Variants in TMEM244 observed in about 807,000 individuals in gnomAD.
The protein encoded by TMEM244 is putative transmembrane protein 244.
Under a neutral mutation model 15.8 loss-of-function variants are expected in TMEM244, and 13 were observed. The observed-to-expected ratio is 0.82, with a 90% CI of 0.53 to 1.30. TMEM244 has a LOEUF of 1.30. TMEM244 is among the 50% of genes most tolerant of loss of function. TMEM244 has a pLI of 0.00. For synonymous variants in TMEM244, 45 were observed against 48.7 expected (o/e 0.92, Z 0.32); for missense variants, 161 against 144.9 (o/e 1.11, Z -0.57).
intron 2 of TMEM244, among the ~76,000 whole-genome samples, chr6:129,845,081 C>A (rs1009335438): frequency 3.3e-5 from 5 of 152,046 alleles, no homozygotes; most frequent in African/African-American, 1.2e-4. Context: ...AAAAATGATA[C>A]CATTAAAATA....
chr6:129,845,696 T>G, intron 2 of TMEM244, 71 bp downstream of exon 2: 1 of 1,093,000 alleles, frequency 9.1e-7, no homozygotes, highest in Non-Finnish European at 1.4e-6. Context: ...ACATATGAAA[T>G]GTTAAATATA....
intron 1 of TMEM244, among the ~76,000 whole-genome samples, chr6:129,850,136 T>C (rs146558554): frequency 0.015 from 2,299 of 152,288 alleles, 21 homozygotes; most frequent in Non-Finnish European, 0.022. Flanking sequence ...TCAACCCTTA[T>C]GCTACTTATG....
chr6:129,836,864 C>A (rs143077797), intron 3 of TMEM244, among the ~76,000 whole-genome samples: 1 of 151,836 alleles, frequency 6.6e-6, no homozygotes, highest in Non-Finnish European at 1.5e-5. Flanking sequence ...AGTGAGAAGA[C>A]AAGATTAGAG....
chr6:129,831,509 A>C, intron 4 of TMEM244, 123 bp from the exon 5 acceptor site: 1 of 690,024 alleles, frequency 1.4e-6, no homozygotes, highest in Non-Finnish European at 2.5e-6. Flanking sequence ...ATGTTCATGA[A>C]ATCAGGTAGC....
chr6:129,854,709 G>A (rs528679841), intron 1 of TMEM244, among the ~76,000 whole-genome samples: 1 of 152,278 alleles, frequency 6.6e-6, no homozygotes, highest in South Asian at 2.1e-4. Flanking sequence ...AGTAAGCTTT[G>A]TGGTTCTGAT....
intron 1 of TMEM244, among the ~76,000 whole-genome samples, chr6:129,857,509 C>A (rs940820152): frequency 3.9e-5 from 6 of 152,056 alleles, no homozygotes; most frequent in African/African-American, 1.4e-4. Flanking sequence ...GCACATGCCA[C>A]CACCACGCCT....
At chr6:129,849,438 C>G (rs1209723836) in intron 1 of TMEM244, among the ~76,000 whole-genome samples, 2 of 152,040 alleles carry the variant, frequency 1.3e-5, no homozygotes, top group African/African-American at 2.4e-5. Context: ...TGCTTGATGT[C>G]TTTTTAGGCC....
chr6:129,860,629 C>T (rs1776794247), intron 1 of TMEM244, among the ~76,000 whole-genome samples: 1 of 152,016 alleles, frequency 6.6e-6, no homozygotes, highest in South Asian at 2.1e-4. Context: ...TTGCATATTT[C>T]CTTGTTTTCG....
intron 4 of TMEM244, among the ~76,000 whole-genome samples, chr6:129,832,568 G>T (rs1306132757): frequency 1.3e-5 from 2 of 152,086 alleles, no homozygotes; most frequent in Non-Finnish European, 2.9e-5. Flanking sequence ...GAGAAAATAC[G>T]GCGGATGAGT....
At position 129,850,769 on chromosome 6, in the gene TMEM244, T is replaced by C. The variant is rs536707027; in HGVS notation, c.34-4917A>G. ...CATTAAAAATAGAGATGTTTTATGT[T>C]GTTTGTTCATACTACGTCTTAGAAG... is the stretch of plus-strand genomic sequence containing the variant. On this transcript the variant is annotated intron_variant, in intron 1 of 4. Coordinates refer to ENST00000368143, the MANE Select transcript of TMEM244 (RefSeq NM_001010876.2). Among the ~76,000 whole-genome samples the C allele has an allele frequency of 4.6e-5, 7 of 152,374 alleles. No homozygotes were observed. The South Asian group carries it at 1.2e-3, about 27-fold the overall frequency.
chr6:129,852,104 T>C (rs1389523818), intron 1 of TMEM244, among the ~76,000 whole-genome samples: 1 of 152,164 alleles, frequency 6.6e-6, no homozygotes, highest in Admixed American at 6.6e-5. Flanking sequence ...GGTAAGAGAA[T>C]AGCTGGAAAT....
At chr6:129,835,666 C>G (rs576186819) in intron 3 of TMEM244, among the ~76,000 whole-genome samples, 1 of 152,298 alleles carries the variant, frequency 6.6e-6, no homozygotes, top group South Asian at 2.1e-4. Context: ...GAAGCCATGA[C>G]AGACTGTATG....
chr6:129,855,417 CA>C (rs1407816843), intron 1 of TMEM244, among the ~76,000 whole-genome samples: 1 of 152,002 alleles, frequency 6.6e-6, no homozygotes, highest in African/African-American at 2.4e-5. Flanking sequence ...AAAGTGAAGA[CA>C]AAATTTCCAA....
At chr6:129,836,982 C>A (rs1776417980) in intron 3 of TMEM244, among the ~76,000 whole-genome samples, 1 of 152,114 alleles carries the variant, frequency 6.6e-6, no homozygotes, top group Admixed American at 6.6e-5. Context: ...GAGAATGGAA[C>A]CAAGTTAGAA....
intron 1 of TMEM244, among the ~76,000 whole-genome samples, chr6:129,847,915 C>T (rs1469166976): frequency 6.6e-6 from 1 of 151,884 alleles, no homozygotes; most frequent in Admixed American, 6.6e-5. Context: ...GCTGGGATTA[C>T]AGGCATGCAC....
intron 3 of TMEM244, among the ~76,000 whole-genome samples, chr6:129,843,242 C>CT (rs1562197971): frequency 6.6e-6 from 1 of 151,950 alleles, no homozygotes; most frequent in Non-Finnish European, 1.5e-5. Context: ...ATTATTCTTC[C>CT]TTTTCTTTAA....
intron 2 of TMEM244, 28 bp downstream of exon 2, chr6:129,845,739 T>C: frequency 6.6e-7 from 1 of 1,508,898 alleles, no homozygotes; most frequent in Non-Finnish European, 9.2e-7. Context: ...AGCTTTTTAA[T>C]TCTATTTGAA....
chr6:129,855,545 A>G (rs987318450), intron 1 of TMEM244, among the ~76,000 whole-genome samples: 7 of 152,310 alleles, frequency 4.6e-5, no homozygotes, highest in East Asian at 1.9e-4. Context: ...TATCATTGAC[A>G]TAGAGTTTAT....
At chr6:129,839,127 A>G (rs1776450532) in intron 3 of TMEM244, among the ~76,000 whole-genome samples, 1 of 152,156 alleles carries the variant, frequency 6.6e-6, no homozygotes, top group Admixed American at 6.5e-5. Flanking sequence ...CACAACAGAA[A>G]AGGAGAACTT....
Sources: allele counts gnomAD v4.1 joint callset (sites outside exome capture counted in the v4.1 genomes callset), GRCh38; gene constraint gnomAD v4.1.1; transcripts MANE v1.5; gene names NCBI Gene and HGNC (gene_info 2026-07-23, HGNC 2026-07-21).